ITFG1: variants seen among roughly 807,000 people sequenced by gnomAD.
ITFG1 encodes T-cell immunomodulatory protein.
In ITFG1, 34 loss-of-function variants were observed where a neutral mutation model predicts 81.8. The observed-to-expected ratio is 0.42, with a 90% CI of 0.32 to 0.55. ITFG1 has a LOEUF of 0.55. ITFG1 is among the 20% of genes least tolerant of loss of function. ITFG1 has a pLI of 0.17. For missense variants in ITFG1, 672 were observed against 755.4 expected (o/e 0.89, Z 1.29); for synonymous variants, 285 against 270.6 (o/e 1.05, Z -0.52).
intron 10 of ITFG1, among the ~76,000 whole-genome samples, chr16:47,267,254 A>G (rs1439755640): frequency 6.6e-6 from 1 of 152,226 alleles, no homozygotes; most frequent in Non-Finnish European, 1.5e-5. Context: ...GGCAAATAAA[A>G]AGAAAGCTGG....
intron 14 of ITFG1, among the ~76,000 whole-genome samples, chr16:47,180,752 G>A (rs150484217): frequency 0.075 from 11,479 of 152,120 alleles, 777 homozygotes; most frequent in African/African-American, 0.17. Context: ...CCTCCCAGCC[G>A]CCTGCCTTGG....
At chr16:47,304,409 C>T (rs1245060946) in intron 10 of ITFG1, among the ~76,000 whole-genome samples, 1 of 152,172 alleles carries the variant, frequency 6.6e-6, no homozygotes, top group Non-Finnish European at 1.5e-5. Flanking sequence ...TAAGTGGCAG[C>T]ACTGGCATTT....
intron 14 of ITFG1, among the ~76,000 whole-genome samples, chr16:47,172,381 G>A (rs894944428): frequency 1.3e-5 from 2 of 152,096 alleles, no homozygotes; most frequent in Admixed American, 6.5e-5. Context: ...CCAACTACTC[G>A]GGAGGCTGTG....
intron 12 of ITFG1, among the ~76,000 whole-genome samples, chr16:47,251,432 G>A (rs971001194): frequency 2.0e-5 from 3 of 152,082 alleles, no homozygotes; most frequent in African/African-American, 7.2e-5. Flanking sequence ...AGTATATAGT[G>A]ACCCACCCCG....
intron 10 of ITFG1, among the ~76,000 whole-genome samples, chr16:47,298,240 A>C (rs1182539956): frequency 6.6e-6 from 1 of 152,134 alleles, no homozygotes; most frequent in East Asian, 1.9e-4. Context: ...TTGATTCATC[A>C]GTACTGGTTT....
intron 5 of ITFG1, among the ~76,000 whole-genome samples, chr16:47,434,614 G>A (rs1484352713): frequency 1.3e-5 from 2 of 152,190 alleles, no homozygotes. Flanking sequence ...GTGTAAGTTA[G>A]TTCAATCATT....
intron 10 of ITFG1, among the ~76,000 whole-genome samples, chr16:47,290,722 A>G (rs2151554525): frequency 6.6e-6 from 1 of 152,256 alleles, no homozygotes; most frequent in Non-Finnish European, 1.5e-5. Context: ...ATCTTGTAGT[A>G]GGTATAGATG....
At chr16:47,328,969 G>A (rs564923269) in intron 8 of ITFG1, among the ~76,000 whole-genome samples, 5 of 152,216 alleles carry the variant, frequency 3.3e-5, no homozygotes, top group African/African-American at 9.6e-5. Flanking sequence ...TCGTCAGTAC[G>A]ATCCTGCATT....
chr16:47,295,872 T>C (rs1190205927), intron 10 of ITFG1, among the ~76,000 whole-genome samples: 2 of 152,152 alleles, frequency 1.3e-5, no homozygotes, highest in Admixed American at 1.3e-4. Context: ...ATGTTTCTAG[T>C]TCCTTCAGGT....
chr16:47,205,823 T>A (rs558782056), intron 14 of ITFG1, among the ~76,000 whole-genome samples: 1 of 147,706 alleles, frequency 6.8e-6, no homozygotes, highest in African/African-American at 2.5e-5. Context: ...CCAGCTGGAA[T>A]TAAATTATCT....
intron 10 of ITFG1, among the ~76,000 whole-genome samples, chr16:47,292,614 G>C (rs1280245510): frequency 2.6e-5 from 4 of 152,138 alleles, no homozygotes; most frequent in South Asian, 2.1e-4. Flanking sequence ...CACTTGAATA[G>C]TGTACATTGA....
chr16:47,452,718 C>T lies in ITFG1; in HGVS notation c.485+15G>A. On this transcript the variant is annotated intron_variant, in intron 4 of 17. Transcript: ENST00000320640. ...AAGTTTAAAATCGTTTCAAAGGAAG[C>T]AAGCCCATACTTACTCCATAATTAG... The T allele has an allele frequency of 6.5e-7, 1 of 1,548,100 alleles. No homozygotes were observed. The highest frequency in any genetic ancestry group is 8.8e-7 in the Non-Finnish European group (1 of 1,132,918).
At chr16:47,285,939 T>A (rs1362278620) in intron 10 of ITFG1, among the ~76,000 whole-genome samples, 2 of 152,134 alleles carry the variant, frequency 1.3e-5, no homozygotes, top group African/African-American at 4.8e-5. Context: ...ACTGCTAAAT[T>A]ATTTGTAATT....
At chr16:47,389,695 C>G (rs988186660) in intron 6 of ITFG1, among the ~76,000 whole-genome samples, 9 of 152,102 alleles carry the variant, frequency 5.9e-5, no homozygotes, top group African/African-American at 2.2e-4. Flanking sequence ...AGTGACATTT[C>G]CATGTCTCAC....
At chr16:47,358,603 C>T (rs1360020802) in intron 8 of ITFG1, among the ~76,000 whole-genome samples, 1 of 152,138 alleles carries the variant, frequency 6.6e-6, no homozygotes, top group Non-Finnish European at 1.5e-5. Context: ...ATATGTTAAT[C>T]TTTATCATAT....
intron 8 of ITFG1, among the ~76,000 whole-genome samples, chr16:47,327,222 G>T (rs536184326): frequency 6.6e-6 from 1 of 152,182 alleles, no homozygotes; most frequent in East Asian, 1.9e-4. Flanking sequence ...CAAGCAAAGG[G>T]GAAAGCATTC....
intron 10 of ITFG1, among the ~76,000 whole-genome samples, chr16:47,272,510 C>T (rs1418307800): frequency 6.6e-6 from 1 of 152,050 alleles, no homozygotes; most frequent in Non-Finnish European, 1.5e-5. Context: ...ATTCTCCTGC[C>T]TCAGCCTCCT....
chr16:47,421,270 G>GCGCA (rs1491436750), intron 6 of ITFG1, among the ~76,000 whole-genome samples: 2 of 129,956 alleles, frequency 1.5e-5, no homozygotes, highest in African/African-American at 2.8e-5. Flanking sequence ...ACATACATAT[G>GCGCA]CACACACACA....
chr16:47,282,494 T>C (rs1966460979), intron 10 of ITFG1, among the ~76,000 whole-genome samples: 1 of 152,110 alleles, frequency 6.6e-6, no homozygotes, highest in Admixed American at 6.6e-5. Flanking sequence ...AATCATCTGT[T>C]GATGGGGAAC....
Sources: allele counts gnomAD v4.1 joint callset (sites outside exome capture counted in the v4.1 genomes callset), GRCh38; gene constraint gnomAD v4.1.1; transcripts MANE v1.5; gene names NCBI Gene and HGNC (gene_info 2026-07-23, HGNC 2026-07-21).